Variants in LHFPL2 observed in about 807,000 individuals in gnomAD.
LHFPL2 encodes the protein LHFPL tetraspan subfamily member 2 protein.
Under a neutral mutation model 17.5 loss-of-function variants are expected in LHFPL2, and 7 were observed. The ratio of observed to expected loss-of-function variants is 0.40; its 90% CI spans 0.23 to 0.75. LHFPL2 has a LOEUF of 0.75. LHFPL2 is among the 30% of genes least tolerant of loss of function. LHFPL2 has a pLI of 0.37. For synonymous variants in LHFPL2, 134 were observed against 116.2 expected (o/e 1.15, Z -0.99); for missense variants, 241 against 294.8 (o/e 0.82, Z 1.34).
At chr5:78,595,572 C>T (rs867351263) in intron 2 of LHFPL2, among the ~76,000 whole-genome samples, 1 of 152,172 alleles carries the variant, frequency 6.6e-6, no homozygotes, top group African/African-American at 2.4e-5. Context: ...AGTGCAGCAG[C>T]GTGACCACTG....
chr5:78,504,311 G>A (rs949110215), intron 4 of LHFPL2, among the ~76,000 whole-genome samples: 2 of 152,204 alleles, frequency 1.3e-5, no homozygotes, highest in African/African-American at 4.8e-5. Flanking sequence ...AGAAAGCCCG[G>A]TGACTTTTTC....
At chr5:78,538,427 G>A (rs1756012837) in intron 3 of LHFPL2, among the ~76,000 whole-genome samples, 1 of 152,170 alleles carries the variant, frequency 6.6e-6, no homozygotes, top group Non-Finnish European at 1.5e-5. Flanking sequence ...AAAAATCTCA[G>A]TGCATCTATC....
At chr5:78,630,824 G>A (rs1255044052) in intron 2 of LHFPL2, among the ~76,000 whole-genome samples, 2 of 152,190 alleles carry the variant, frequency 1.3e-5, no homozygotes. Flanking sequence ...TAAGGCGGGG[G>A]CAAAACCTCA....
At chr5:78,563,808 T>C (rs1269991245) in intron 3 of LHFPL2, among the ~76,000 whole-genome samples, 18 of 152,160 alleles carry the variant, frequency 1.2e-4, no homozygotes, top group Admixed American at 1.2e-3. Context: ...GAAGGAATTC[T>C]GCTCAAATAA....
At chr5:78,593,007 T>C (rs1302545607) in intron 2 of LHFPL2, among the ~76,000 whole-genome samples, 1 of 152,218 alleles carries the variant, frequency 6.6e-6, no homozygotes, top group Admixed American at 6.5e-5. Flanking sequence ...TTATGTTATG[T>C]GTATTTTATC....
At chr5:78,564,212 A>T (rs998481686) in intron 3 of LHFPL2, among the ~76,000 whole-genome samples, 5 of 152,194 alleles carry the variant, frequency 3.3e-5, no homozygotes, top group African/African-American at 1.2e-4. Context: ...TTTTGGGACA[A>T]TTATTTGACT....
rs577716138 is a variant in LHFPL2, at chr5:78,520,983, C to A, written c.-185-10585G>T. Among the ~76,000 whole-genome samples, 88 of 152,162 alleles carry A rather than the reference C, an allele frequency of 5.8e-4. 1 individual carries two copies. Among genetic ancestry groups the A allele is most frequent in the Admixed American group, 1.7e-3 (26 of 15,280 alleles). On this transcript the variant is annotated intron_variant, in intron 3 of 4. Transcript: ENST00000380345. ...TCACGAACAATTTGATAGCTGTATG[C>A]CGAAAGACATGGCAGAATACAAAGT... is the stretch of plus-strand genomic sequence containing the variant.
intron 1 of LHFPL2, among the ~76,000 whole-genome samples, chr5:78,637,100 A>T (rs1210579886): frequency 6.6e-6 from 1 of 152,162 alleles, no homozygotes; most frequent in Admixed American, 6.5e-5. Flanking sequence ...TTTGTTTAAA[A>T]GACACAGATT....
chr5:78,608,931 CAAAA>C (rs879783916), intron 2 of LHFPL2, among the ~76,000 whole-genome samples: 1 of 87,082 alleles, frequency 1.1e-5, no homozygotes. Flanking sequence ...GACTCCATCT[CAAAA>C]AAAAAAAAAA....
At chr5:78,545,228 G>A (rs976954434) in intron 3 of LHFPL2, among the ~76,000 whole-genome samples, 1 of 152,156 alleles carries the variant, frequency 6.6e-6, no homozygotes, top group Non-Finnish European at 1.5e-5. Context: ...CTGATACTTA[G>A]CCACTTCTTC....
At chr5:78,625,865 G>A (rs555739306) in intron 2 of LHFPL2, 1 of 152,364 alleles carries the variant, frequency 6.6e-6, no homozygotes, top group South Asian at 2.1e-4. Context: ...AAGGGGCTTA[G>A]ACAAGAAGCT....
intron 1 of LHFPL2, among the ~76,000 whole-genome samples, chr5:78,647,114 A>T (rs551769607): frequency 6.6e-6 from 1 of 152,266 alleles, no homozygotes. Flanking sequence ...AATCAGAATC[A>T]GATTTCTAAC....
At chr5:78,509,598 G>C (rs1233546192) in intron 4 of LHFPL2, among the ~76,000 whole-genome samples, 186 bp downstream of exon 4, 1 of 151,948 alleles carries the variant, frequency 6.6e-6, no homozygotes. Flanking sequence ...GGGTAAGACA[G>C]GGGAAAGAGA....
rs576136210 is a variant in LHFPL2, at chr5:78,542,748, G to A, written c.-186+22065C>T. On this transcript the variant is annotated intron_variant, in intron 3 of 4. Transcript: ENST00000380345. ...GTATAGGTACTCTCTACAGCCTGGT[G>A]GACTTCAGAGGACACCTTTGCTCCC... is the stretch of plus-strand genomic sequence containing the variant. Among the ~76,000 whole-genome samples, 40 of 152,242 alleles carry A rather than the reference G, an allele frequency of 2.6e-4. 1 individual carries two copies. The South Asian group carries it at 7.5e-3, about 28-fold the overall frequency.
At chr5:78,515,299 C>T (rs996276606) in intron 3 of LHFPL2, among the ~76,000 whole-genome samples, 8 of 150,238 alleles carry the variant, frequency 5.3e-5, no homozygotes, top group African/African-American at 2.0e-4. Flanking sequence ...CCGACATTGA[C>T]TATTTGAAGA....
chr5:78,566,375 T>C (rs1055563226), intron 2 of LHFPL2, among the ~76,000 whole-genome samples: 3 of 152,210 alleles, frequency 2.0e-5, no homozygotes, highest in Non-Finnish European at 2.9e-5. Flanking sequence ...TTGAAGATAC[T>C]GGACAACAGT....
intron 2 of LHFPL2, among the ~76,000 whole-genome samples, chr5:78,573,843 G>A (rs1010020352): frequency 1.3e-5 from 2 of 152,140 alleles, no homozygotes; most frequent in Non-Finnish European, 2.9e-5. Context: ...TGGCTACCAT[G>A]GGGGTAGGTT....
chr5:78,596,202 C>G (rs540259464), intron 2 of LHFPL2, among the ~76,000 whole-genome samples: 1 of 152,182 alleles, frequency 6.6e-6, no homozygotes, highest in Admixed American at 6.5e-5. Flanking sequence ...CCAATTAAAG[C>G]CCGACAAATT....
intron 4 of LHFPL2, among the ~76,000 whole-genome samples, chr5:78,501,579 G>A (rs918280525): frequency 6.6e-6 from 1 of 152,218 alleles, no homozygotes; most frequent in South Asian, 2.1e-4. Context: ...TAAGTTAGAA[G>A]AGATGAGGTC....
Sources: gnomAD v4.1 joint callset for allele counts (sites outside exome capture counted in the v4.1 genomes callset) on GRCh38, gnomAD v4.1.1 for gene constraint, MANE v1.5 for transcripts, NCBI Gene and HGNC (gene_info 2026-07-23, HGNC 2026-07-21) for gene names.